DOCK9: variants seen among roughly 807,000 people sequenced by gnomAD.
DOCK9 encodes the protein dedicator of cytokinesis 9, also known as dedicator of cytokinesis protein 9.
In DOCK9, 89 loss-of-function variants were observed where a neutral mutation model predicts 263.3. The ratio of observed to expected loss-of-function variants is 0.34; its 90% CI spans 0.28 to 0.40. The LOEUF (loss-of-function observed/expected upper bound fraction) is 0.40, where lower values mean the gene tolerates loss of function less well. Among genes scored for constraint, DOCK9 ranks in the 10% least tolerant of loss-of-function variants. The probability of loss-of-function intolerance (pLI) is 1.00; values close to 1 mark genes in which losing one functional copy is unlikely to be tolerated. For synonymous variants in DOCK9, 976 were observed against 973.1 expected, an observed-to-expected ratio of 1.00 and a Z score of -0.06; for missense variants, 2,140 against 2,603.4, an observed-to-expected ratio of 0.82 and a Z score of 3.87.
In DOCK9 at chr13:98,832,482, A is replaced by G. The variant is rs1369349273; in HGVS notation, c.4315-696T>C. ...GTAGGTGGCATCTAGTAGGGTTTTG[A>G]CATTCGTGGATTTTACTTATCAAAG... On this transcript the variant is annotated intron_variant, in intron 39 of 52. Transcript: ENST00000682017. 3.3e-5 allele frequency among the ~76,000 whole-genome samples: 5 copies of G among 152,220 alleles called. No individual in the cohort carries two copies. In the East Asian group the frequency reaches 9.6e-4, roughly 29 times the overall value.
Position 98,846,038 on chromosome 13 carries a change from T to G in DOCK9, c.4084A>C (p.Ile1362Leu). ...IARNQEGLGP[I>L]VHDRKSQTLP... ...GTCTGAGACTTTCGATCATGAACTA[T>G]GGGTCCCAACCCCTCCTGGTTCCTG... is the stretch of plus-strand genomic sequence containing the variant. The change falls in exon 38 of 53, where the codon ATA (isoleucine) becomes CTA (leucine). Residue 1362 changes from isoleucine to leucine, a missense_variant. Ile to Leu is a conservative substitution (Grantham distance 5, BLOSUM62 2). Around this residue, in one of 2 missense-constraint regions of DOCK9, gnomAD observed 1,521 missense variants for 1,741.7 expected, o/e 0.87. Transcript: ENST00000682017. The G allele has an allele frequency of 1.3e-6, 2 of 1,588,256 alleles. No individual in the cohort carries two copies. Among genetic ancestry groups the G allele is most frequent in the Non-Finnish European group, 1.7e-6 (2 of 1,166,252 alleles).
chr13:98,831,460 C>T lies in DOCK9; in HGVS notation c.4523G>A (p.Cys1508Tyr). ...AALCYEILKC[C>Y]NSKLSSIRTE... Reference sequence around the variant, plus strand: ...CCTGATGGAGCTCAGCTTGGAGTTACAGCACTTGAGAATCTCGTAACACAG... The same window carrying T: ...CCTGATGGAGCTCAGCTTGGAGTTATAGCACTTGAGAATCTCGTAACACAG... The change falls in exon 41 of 53, where the codon TGT becomes TAT. Residue 1508 changes from cysteine (C) to tyrosine (Y), a missense_variant. By Grantham distance (194) the Cys-to-Tyr change is radical (BLOSUM62 -2). Around this residue, in one of 2 missense-constraint regions of DOCK9, gnomAD observed 619 missense variants for 861.8 expected, o/e 0.72. Coordinates refer to ENST00000682017, the MANE Select transcript of DOCK9 (RefSeq NM_001366683.2). The T allele has an allele frequency of 6.3e-7, 1 of 1,596,482 alleles. No individual in the cohort carries two copies. The highest frequency in any genetic ancestry group is 8.5e-7 in the Non-Finnish European group (1 of 1,171,058).
At chr13:99,071,305 G>GTTTTTTTTTTTTTT (rs1566387440) in intron 1 of DOCK9, among the ~76,000 whole-genome samples, 2 of 70,924 alleles carry the variant, frequency 2.8e-5, no homozygotes, top group East Asian at 1.0e-3. Context: ...ACCATGCCTG[G>GTTTTTTTTTTTTTT]CTTTTTTTTT....
At chr13:98,912,329 G>A (rs2050187681) in intron 9 of DOCK9, among the ~76,000 whole-genome samples, 1 of 152,216 alleles carries the variant, frequency 6.6e-6, no homozygotes, top group African/African-American at 2.4e-5. Flanking sequence ...AAGCTAGCCT[G>A]AGGGCTGCTT....
At chr13:98,890,192 A>T (rs1308397548) in intron 15 of DOCK9, among the ~76,000 whole-genome samples, 1 of 152,218 alleles carries the variant, frequency 6.6e-6, no homozygotes, top group Non-Finnish European at 1.5e-5. Flanking sequence ...TTTAATCAGC[A>T]TGTTATAGTC....
intron 43 of DOCK9, 68 bp from the exon 44 acceptor site, chr13:98,826,955 CA>C: frequency 1.6e-6 from 2 of 1,226,842 alleles, no homozygotes; most frequent in South Asian, 2.7e-5. Flanking sequence ...CCCACACAGA[CA>C]GAAATCTAAT....
At chr13:98,917,671 G>A (rs2051120305) in intron 7 of DOCK9, among the ~76,000 whole-genome samples, 2 of 151,360 alleles carry the variant, frequency 1.3e-5, no homozygotes, top group Admixed American at 6.6e-5. Context: ...CAGGGCGGGG[G>A]TACTGCACAG....
chr13:98,921,180 A>C, intron 6 of DOCK9, 92 bp from the exon 7 acceptor site: 1 of 1,313,270 alleles, frequency 7.6e-7, no homozygotes. Flanking sequence ...TACATACATA[A>C]AACCTGTTTC....
intron 45 of DOCK9, among the ~76,000 whole-genome samples, chr13:98,816,026 A>C (rs2091811637): frequency 6.6e-6 from 1 of 152,192 alleles, no homozygotes; most frequent in Non-Finnish European, 1.5e-5. Flanking sequence ...TGTCCTCACC[A>C]CCACATCATT....
chr13:98,855,345 G>A (rs1217951572), intron 34 of DOCK9, among the ~76,000 whole-genome samples: 5 of 152,142 alleles, frequency 3.3e-5, no homozygotes, highest in South Asian at 2.1e-4. Flanking sequence ...AGGCCGAGGC[G>A]GGCGGATGAC....
At chr13:99,080,358 C>T (rs1375765820) in intron 1 of DOCK9, among the ~76,000 whole-genome samples, 1 of 152,176 alleles carries the variant, frequency 6.6e-6, no homozygotes, top group Non-Finnish European at 1.5e-5. Flanking sequence ...ATTATTTACT[C>T]TCAGGATTAC....
chr13:99,083,066 C>A (rs978973447), intron 1 of DOCK9, among the ~76,000 whole-genome samples: 3 of 152,050 alleles, frequency 2.0e-5, no homozygotes, highest in Non-Finnish European at 2.9e-5. Flanking sequence ...ACCAGCCTAG[C>A]CAACATGATG....
At chr13:98,979,190 T>TAGC (rs1353021632), upstream of DOCK9, among the ~76,000 whole-genome samples, 3 of 120,610 alleles carry the variant, frequency 2.5e-5, no homozygotes, top group African/African-American at 1.0e-4. Flanking sequence ...ATAGTAGTAG[T>TAGC]AGTAGTAGTA....
At position 98,887,560 on chromosome 13, in the gene DOCK9, G is replaced by A. The variant is rs1483559600; in HGVS notation, c.2043+598C>T. 3.2e-5 allele frequency among the ~76,000 whole-genome samples: 4 copies of A among 126,010 alleles called. 1 individual carries two copies. In the East Asian group the frequency reaches 1.0e-3, roughly 31 times the overall value. 82.7% of individuals were successfully genotyped at this position (126,010 alleles called of 152,430 possible). On this transcript the variant is annotated intron_variant, in intron 18 of 52. Coordinates refer to ENST00000682017, the MANE Select transcript of DOCK9 (RefSeq NM_001366683.2). ...GAACCTGGGAGGCAGTGCTTGCAGT[G>A]AGCCGAGATCACACCACTGCACTCC...
intron 12 of DOCK9, 28 bp downstream of exon 12, chr13:98,902,260 G>A (rs1276818796): frequency 6.2e-7 from 1 of 1,609,394 alleles, no homozygotes; most frequent in South Asian, 1.1e-5. Flanking sequence ...AGTCTGAGTA[G>A]TGGGAATGCT....
chr13:98,894,460 A>G (rs994783300), intron 15 of DOCK9, among the ~76,000 whole-genome samples: 3 of 152,182 alleles, frequency 2.0e-5, no homozygotes, highest in African/African-American at 7.2e-5. Flanking sequence ...TCATTTACAT[A>G]CAAAAGAAAT....
intron 3 of DOCK9, among the ~76,000 whole-genome samples, chr13:98,927,901 GA>G: frequency 6.6e-6 from 1 of 151,716 alleles, no homozygotes; most frequent in Middle Eastern, 3.4e-3. Context: ...TTACAGGCGT[GA>G]GCCACTGCGC....
rs1356865707 is a variant in DOCK9, at chr13:98,950,197, T to C, written c.243+5238A>G. The stretch of plus-strand genomic sequence containing the variant: ...GATGCGTAAAACAAAGGCCAAGGAA[T>C]GTTTATCTGGCAATTCCAAGGCATG... On this transcript the variant is annotated intron_variant, in intron 2 of 52. Transcript: ENST00000682017. 6 of 999,666 alleles carry C rather than the reference T, an allele frequency of 6.0e-6. No individual in the cohort carries two copies. In the East Asian group the frequency reaches 7.8e-5, roughly 13 times the overall value. The allele number at this position is 999,666 out of a possible 1,614,324, so 61.9% of individuals were successfully genotyped here.
At chr13:99,017,558 C>A (rs1365464407) in intron 1 of DOCK9, among the ~76,000 whole-genome samples, 1 of 151,928 alleles carries the variant, frequency 6.6e-6, no homozygotes, top group Admixed American at 6.6e-5. Context: ...TAGAAATAAC[C>A]AAGCAAATTG....
Sources: gnomAD v4.1 joint callset for allele counts (sites outside exome capture counted in the v4.1 genomes callset) on GRCh38, gnomAD v4.1.1 for gene constraint, gnomAD v4.1.1 regional missense constraint, MANE v1.5 for transcripts, NCBI Gene and HGNC (gene_info 2026-07-23, HGNC 2026-07-21) for gene names.